CLSTN2: variants seen among roughly 807,000 people sequenced by gnomAD.
The protein encoded by CLSTN2 is calsyntenin-2.
In CLSTN2, 48 loss-of-function variants were observed where a neutral mutation model predicts 101.2. That is an observed-to-expected ratio of 0.47 (90% CI 0.38 to 0.60). The LOEUF is 0.60. CLSTN2 is among the 20% of genes least tolerant of loss of function. CLSTN2 has a pLI of 0.00. For missense variants in CLSTN2, 1,160 were observed against 1,238.2 expected (o/e 0.94, Z 0.95); for synonymous variants, 481 against 463.6 (o/e 1.04, Z -0.48).
intron 2 of CLSTN2, among the ~76,000 whole-genome samples, chr3:140,255,160 G>C (rs1041137009): frequency 6.6e-6 from 1 of 152,194 alleles, no homozygotes; most frequent in African/African-American, 2.4e-5. Context: ...ACAGGTGCTA[G>C]TGAGATTGTG....
At chr3:140,512,108 G>A (rs900146032) in intron 8 of CLSTN2, among the ~76,000 whole-genome samples, 1 of 151,944 alleles carries the variant, frequency 6.6e-6, no homozygotes, top group African/African-American at 2.4e-5. Context: ...TATGATGATA[G>A]TTTCTTTTGC....
At chr3:140,087,125 A>G (rs1398254524) in intron 1 of CLSTN2, among the ~76,000 whole-genome samples, 1 of 152,074 alleles carries the variant, frequency 6.6e-6, no homozygotes, top group African/African-American at 2.4e-5. Context: ...CATAGCTGAT[A>G]TAAGATTTGG....
At chr3:139,974,853 C>A (rs1202926201) in intron 1 of CLSTN2, among the ~76,000 whole-genome samples, 1 of 152,138 alleles carries the variant, frequency 6.6e-6, no homozygotes, top group East Asian at 1.9e-4. Context: ...GACTGGCAGC[C>A]CCCTGGCCCT....
At chr3:140,044,958 C>T (rs939843301) in intron 1 of CLSTN2, among the ~76,000 whole-genome samples, 2 of 152,080 alleles carry the variant, frequency 1.3e-5, no homozygotes, top group African/African-American at 2.4e-5. Context: ...ATTTTTGCAT[C>T]GATGTTCATC....
chr3:140,109,221 TA>T (rs1284827112), intron 1 of CLSTN2, among the ~76,000 whole-genome samples: 6 of 152,214 alleles, frequency 3.9e-5, no homozygotes, highest in African/African-American at 1.4e-4. Context: ...CATTGCCCTT[TA>T]CCTGATCTCA....
chr3:140,554,709 G>A (rs1034769606), intron 10 of CLSTN2, among the ~76,000 whole-genome samples: 13 of 152,276 alleles, frequency 8.5e-5, no homozygotes, highest in Middle Eastern at 3.4e-3. Flanking sequence ...TTCTGACACC[G>A]TCAGTAAAAG....
chr3:140,034,861 A>G (rs768337), intron 1 of CLSTN2, among the ~76,000 whole-genome samples: 79,712 of 152,110 alleles, frequency 0.52, 22,249 homozygotes, highest in South Asian at 0.76. Flanking sequence ...GTGACTAAAA[A>G]GCATACTACT....
chr3:139,959,585 A>G (rs922358016), intron 1 of CLSTN2, among the ~76,000 whole-genome samples: 2 of 151,932 alleles, frequency 1.3e-5, no homozygotes, highest in Non-Finnish European at 2.9e-5. Context: ...CCATTTGTTG[A>G]AGTTTCCTCT....
intron 2 of CLSTN2, among the ~76,000 whole-genome samples, chr3:140,374,004 G>A (rs573583826): frequency 5.0e-4 from 76 of 152,284 alleles, no homozygotes; most frequent in African/African-American, 1.8e-3. Flanking sequence ...CCTTGTCACT[G>A]AGCCTGGATG....
chr3:140,375,142 G>T (rs923119187), intron 2 of CLSTN2, among the ~76,000 whole-genome samples: 3 of 152,130 alleles, frequency 2.0e-5, no homozygotes, highest in Admixed American at 6.5e-5. Flanking sequence ...TGTAGCTGAG[G>T]GGAAGTGTAG....
At chr3:140,087,508 T>G (rs1038514032) in intron 1 of CLSTN2, among the ~76,000 whole-genome samples, 6 of 152,222 alleles carry the variant, frequency 3.9e-5, no homozygotes, top group African/African-American at 1.4e-4. Flanking sequence ...TTGTAAGTAG[T>G]TCATTCTGCT....
intron 6 of CLSTN2, among the ~76,000 whole-genome samples, chr3:140,453,731 T>C (rs1304468654): frequency 6.6e-6 from 1 of 152,220 alleles, no homozygotes; most frequent in East Asian, 1.9e-4. Flanking sequence ...CCCATAAATA[T>C]GTACAATTGT....
At chr3:139,949,889 A>G (rs1210525880) in intron 1 of CLSTN2, among the ~76,000 whole-genome samples, 1 of 152,166 alleles carries the variant, frequency 6.6e-6, no homozygotes. Context: ...AGCATGCTCC[A>G]TTTTCCAAAC....
At chr3:140,195,274 G>T (rs1348816670) in intron 2 of CLSTN2, among the ~76,000 whole-genome samples, 4 of 152,038 alleles carry the variant, frequency 2.6e-5, no homozygotes, top group Admixed American at 2.6e-4. Context: ...GGTATTTTTT[G>T]GTTTCTCTTT....
At chr3:140,047,065 A>C (rs2107766511) in intron 1 of CLSTN2, among the ~76,000 whole-genome samples, 1 of 152,334 alleles carries the variant, frequency 6.6e-6, no homozygotes, top group South Asian at 2.1e-4. Context: ...GCTTCCACCA[A>C]GATTGCTAGC....
At chr3:140,339,805 A>G (rs751717582) in intron 2 of CLSTN2, among the ~76,000 whole-genome samples, 1 of 152,260 alleles carries the variant, frequency 6.6e-6, no homozygotes, top group Admixed American at 6.5e-5. Context: ...AACTGTGCTT[A>G]GTCATATACC....
chr3:140,451,402 C>A (rs750772361), intron 6 of CLSTN2, among the ~76,000 whole-genome samples: 2 of 152,200 alleles, frequency 1.3e-5, no homozygotes, highest in African/African-American at 4.8e-5. Context: ...AAGGCCGTTT[C>A]CCCCAAGGTG....
intron 8 of CLSTN2, among the ~76,000 whole-genome samples, chr3:140,530,885 G>A (rs1935242154): frequency 6.6e-6 from 1 of 152,246 alleles, no homozygotes; most frequent in South Asian, 2.1e-4. Flanking sequence ...TCCTCAGGAT[G>A]TGAACCGCAT....
chr3:140,349,346 A>T (rs2087582822), intron 2 of CLSTN2, among the ~76,000 whole-genome samples: 1 of 152,220 alleles, frequency 6.6e-6, no homozygotes, highest in Non-Finnish European at 1.5e-5. Flanking sequence ...TTCATTTTAT[A>T]TCATAAATGA....
Sources: allele counts gnomAD v4.1 joint callset (sites outside exome capture counted in the v4.1 genomes callset), GRCh38; gene constraint gnomAD v4.1.1; transcripts MANE v1.5; gene names NCBI Gene and HGNC (gene_info 2026-07-23, HGNC 2026-07-21).